Variants in TBC1D1 observed in about 807,000 individuals in gnomAD.
TBC1D1 encodes the protein TBC1 domain family member 1.
Under a neutral mutation model 125.6 loss-of-function variants are expected in TBC1D1, and 89 were observed. The observed-to-expected ratio is 0.71, with a 90% CI of 0.60 to 0.85. The LOEUF is 0.85. TBC1D1 is among the 40% of genes least tolerant of loss of function. The pLI is 0.00. For synonymous variants in TBC1D1, 565 were observed against 564.1 expected, an observed-to-expected ratio of 1.00 and a Z score of -0.02; for missense variants, 1,377 against 1,469.2, an observed-to-expected ratio of 0.94 and a Z score of 1.03.
chr4:37,943,222 C>T (rs1208530664), intron 2 of TBC1D1, among the ~76,000 whole-genome samples: 1 of 152,212 alleles, frequency 6.6e-6, no homozygotes, highest in East Asian at 1.9e-4. Flanking sequence ...GTCTGATGGG[C>T]TTCCCTTTGT....
In TBC1D1 at chr4:38,079,716, G is replaced by A. The variant is rs1298174095; in HGVS notation, c.2051-10216G>A. On this transcript the variant is annotated intron_variant, in intron 12 of 19. Transcript: ENST00000261439. ...GCAGTCCAGCCTGGGCAACAAGAGC[G>A]AGACTCCATCTCAAAAAAAAAAAGC... Among the ~76,000 whole-genome samples, 5 of 147,584 alleles carry A rather than the reference G, an allele frequency of 3.4e-5. 1 individual carries two copies. The highest frequency in any genetic ancestry group is 2.1e-4 in the East Asian group (1 of 4,850).
chr4:38,087,542 T>C (rs919285926), intron 12 of TBC1D1, among the ~76,000 whole-genome samples: 8 of 151,556 alleles, frequency 5.3e-5, no homozygotes, highest in Non-Finnish European at 1.2e-4. Flanking sequence ...ACTAGTAGGG[T>C]TTAAGAATAT....
chr4:37,959,683 G>C (rs6841365), intron 2 of TBC1D1, among the ~76,000 whole-genome samples: 95,576 of 152,108 alleles, frequency 0.63, 30,891 homozygotes, highest in East Asian at 0.96. Context: ...CACTGCAAAA[G>C]TGCCCTCAAC....
chr4:37,936,858 G>C (rs868176082), intron 2 of TBC1D1, among the ~76,000 whole-genome samples: 18 of 152,178 alleles, frequency 1.2e-4, no homozygotes, highest in South Asian at 4.1e-4. Flanking sequence ...ATACTTTATT[G>C]AATGAACTAA....
At chr4:37,939,007 G>A (rs1208363989) in intron 2 of TBC1D1, among the ~76,000 whole-genome samples, 1 of 152,174 alleles carries the variant, frequency 6.6e-6, no homozygotes, top group Admixed American at 6.5e-5. Context: ...TGTCTTTATA[G>A]CAGCATGATT....
rs770253775 is a variant in TBC1D1, at chr4:38,103,089, A to T, written c.2489A>T (p.Lys830Met). The T allele has an allele frequency of 2.5e-6, 4 of 1,614,158 alleles. No individual in the cohort carries two copies. Among genetic ancestry groups the T allele is most frequent in the Non-Finnish European group, 3.4e-6 (4 of 1,180,032 alleles). Residue 830 changes from lysine to methionine, a missense_variant, in exon 15 of 20, where the codon AAG becomes ATG. Coordinates refer to ENST00000261439, the MANE Select transcript of TBC1D1 (RefSeq NM_015173.4). ...CAGTTTCCCAGCAAACAGCAGCCAA[A>T]GGATGTGCCATACAAAGAACTCTTA... is the stretch of plus-strand genomic sequence containing the variant.
intron 2 of TBC1D1, among the ~76,000 whole-genome samples, chr4:37,981,333 C>T (rs1734296841): frequency 6.6e-6 from 1 of 152,142 alleles, no homozygotes; most frequent in South Asian, 2.1e-4. Context: ...ACTTTTAAAA[C>T]ATTGGTTTAT....
At position 38,014,697 on chromosome 4, in the gene TBC1D1, CG is replaced by C; in HGVS notation, c.607del (p.Val203SerfsTer108). The C allele has an allele frequency of 6.2e-7, 1 of 1,612,946 alleles. No homozygotes were observed. The highest frequency in any genetic ancestry group is 8.5e-7 in the Non-Finnish European group (1 of 1,179,986). On this transcript the variant is annotated frameshift_variant, in exon 3 of 20. Transcript: ENST00000261439. LOFTEE classifies it high-confidence loss of function. This position sits in a 1 kb window ranked among gnomAD's most constrained non-coding sequence, Gnocchi z 5.1. The stretch of plus-strand genomic sequence containing the variant: ...ACGAGTGCATCGAGAAGTTCAATCA[CG>C]TCAGCGGCAGCCGGGGGTCCGAGAG...
rs1418399857 is a variant in TBC1D1 at position 37,960,527 on chromosome 4, A to G, written c.418-53982A>G. 3.1e-6 allele frequency: 5 copies of G among 1,614,076 alleles called. No individual in the cohort carries two copies. In the Admixed American group the frequency reaches 8.3e-5, roughly 27 times the overall value. On this transcript the variant is annotated intron_variant, in intron 2 of 19. Transcript: ENST00000261439. Reference sequence around the variant, plus strand: ...TGCTGAAGCTGGAGTCTAGACCTTCAATCAAAGCATTAGATGGGATATCTC... The same window carrying G: ...TGCTGAAGCTGGAGTCTAGACCTTCGATCAAAGCATTAGATGGGATATCTC...
rs540472131 is a variant in TBC1D1, at chr4:38,104,912, T to C, written c.2557+1755T>C. Among the ~76,000 whole-genome samples, 150 of 152,174 alleles carry C rather than the reference T, an allele frequency of 9.9e-4. 4 individuals are homozygous for C. The East Asian group carries it at 0.026, about 27-fold the overall frequency. ...CTGGGACTACAGGTGCCCGCCACCA[T>C]GCCTAGCTAATTTTTTGTATTTTTA... is the stretch of plus-strand genomic sequence containing the variant. On this transcript the variant is annotated intron_variant, in intron 15 of 19. Coordinates refer to ENST00000261439, the MANE Select transcript of TBC1D1 (RefSeq NM_015173.4).
chr4:38,110,144 G>A (rs2152566572), intron 15 of TBC1D1: 1 of 951,652 alleles, frequency 1.1e-6, no homozygotes, highest in Non-Finnish European at 1.3e-6. Flanking sequence ...ATGGTAAACA[G>A]AGCCGAGATA....
intron 19 of TBC1D1, among the ~76,000 whole-genome samples, chr4:38,134,488 C>T (rs1018649322): frequency 1.3e-5 from 2 of 152,138 alleles, no homozygotes; most frequent in Non-Finnish European, 2.9e-5. Context: ...GGGAAGTCTC[C>T]AGAGGGTGAA....
rs1235017856 is a variant in TBC1D1 at position 38,049,587 on chromosome 4, T to C, written c.1630-31T>C. 3 of 1,564,478 alleles carry C rather than the reference T, an allele frequency of 1.9e-6. No homozygotes were observed. In the African/African-American group the frequency reaches 4.1e-5, roughly 21 times the overall value. ...TATAAATCCCACATATTCCCCATGG[T>C]GTGTCTGATCTGCTGTGTGTTTGCT... On this transcript the variant is annotated intron_variant, in intron 10 of 19. Transcript: ENST00000261439.
intron 9 of TBC1D1, among the ~76,000 whole-genome samples, chr4:38,045,132 G>A (rs1472538469): frequency 6.6e-6 from 1 of 152,002 alleles, no homozygotes; most frequent in East Asian, 1.9e-4. Context: ...CATCAATCTG[G>A]GAGTTCTTTA....
intron 2 of TBC1D1, among the ~76,000 whole-genome samples, chr4:37,989,699 A>G (rs947974469): frequency 6.6e-5 from 10 of 152,230 alleles, no homozygotes. Context: ...GCCACAAGTA[A>G]CTTAGATCAG....
chr4:38,120,343 C>A (rs983995412), intron 17 of TBC1D1, among the ~76,000 whole-genome samples: 3 of 152,174 alleles, frequency 2.0e-5, no homozygotes, highest in African/African-American at 7.2e-5. Flanking sequence ...TTTCCACAGT[C>A]CATCCCATCT....
chr4:37,933,918 G>A (rs1015060523), intron 2 of TBC1D1, among the ~76,000 whole-genome samples: 1 of 152,190 alleles, frequency 6.6e-6, no homozygotes, highest in Non-Finnish European at 1.5e-5. Context: ...ATTCCTAATC[G>A]ATTGTGAAAG....
At chr4:38,075,551 T>G (rs1348507949) in intron 12 of TBC1D1, among the ~76,000 whole-genome samples, 1 of 152,216 alleles carries the variant, frequency 6.6e-6, no homozygotes, top group African/African-American at 2.4e-5. Context: ...TTGTTTCATC[T>G]TGAGGACTTC....
At chr4:37,949,386 A>G (rs182672738) in intron 2 of TBC1D1, among the ~76,000 whole-genome samples, 1 of 152,294 alleles carries the variant, frequency 6.6e-6, no homozygotes, top group East Asian at 1.9e-4. Context: ...TTTCCAGTAT[A>G]ATTCTTACAC....
Sources: gnomAD v4.1 joint callset for allele counts (sites outside exome capture counted in the v4.1 genomes callset) on GRCh38, gnomAD v4.1.1 for gene constraint, Gnocchi (gnomAD v3.1) non-coding constraint, MANE v1.5 for transcripts, NCBI Gene and HGNC (gene_info 2026-07-23, HGNC 2026-07-21) for gene names.